The following SUPT5H variants were observed in gnomAD, a reference collection of about 807,000 sequenced individuals.
SUPT5H encodes the protein transcription elongation factor SPT5.
A neutral mutation model predicts 142.5 loss-of-function variants in SUPT5H; 24 were observed. The ratio of observed to expected loss-of-function variants is 0.17; its 90% CI spans 0.12 to 0.24. The LOEUF (loss-of-function observed/expected upper bound fraction) is 0.24. SUPT5H is among the 10% of genes least tolerant of loss of function. The pLI is 1.00. For synonymous variants in SUPT5H, 546 were observed against 553.0 expected (o/e 0.99, Z 0.18); for missense variants, 893 against 1,471.8 (o/e 0.61, Z 6.43).
intron 3 of SUPT5H, among the ~76,000 whole-genome samples, chr19:39,455,487 G>T (rs376635547): frequency 6.6e-6 from 1 of 151,848 alleles, no homozygotes; most frequent in African/African-American, 2.4e-5. Flanking sequence ...GCTTGAACCC[G>T]GGAGGTGGAG....
At chr19:39,451,865 C>A (rs370259271) in intron 2 of SUPT5H, among the ~76,000 whole-genome samples, 20 of 152,282 alleles carry the variant, frequency 1.3e-4, no homozygotes, top group African/African-American at 4.3e-4. Flanking sequence ...GATGTTCAAC[C>A]TGTATTAGGT....
chr19:39,446,964 C>T (rs1354067737), intron 2 of SUPT5H, among the ~76,000 whole-genome samples: 1 of 152,146 alleles, frequency 6.6e-6, no homozygotes, highest in Non-Finnish European at 1.5e-5. Context: ...GCTGAGATCG[C>T]GCCACTGCAC....
Position 39,470,403 on chromosome 19 carries a change from G to A in SUPT5H, c.1557G>A (p.Gln519=), listed in dbSNP as rs2079303216. 6.3e-7 allele frequency: 1 copy of A among 1,596,704 alleles called. No individual in the cohort carries two copies. The highest frequency in any genetic ancestry group is 8.6e-7 in the Non-Finnish European group (1 of 1,169,476). The change falls in exon 18 of 30, where the codon CAG becomes CAA. Residue 519 remains glutamine (Q), a synonymous_variant. Coordinates refer to ENST00000432763, the MANE Select transcript of SUPT5H (RefSeq NM_001111020.3). The surrounding 1 kb of genome is among the most constrained non-coding windows in gnomAD (Gnocchi z 5.8). ...TGAAGGTGCTCCCCCGGGACCTGCAGCTCTGCTCAGAGACAGCATCAGGTG... is the reference window on the plus strand; with the variant it reads ...TGAAGGTGCTCCCCCGGGACCTGCAACTCTGCTCAGAGACAGCATCAGGTG... The part of the protein sequence containing the change: ...HELKVLPRDL[Q]LCSETASGVD...
rs200999931 is a variant in SUPT5H, at chr19:39,466,573, C to T, written c.966+4C>T. Reference sequence around the variant, plus strand: ...CATCAAGGCCCGCATGAGCTTGGTACTCAGGGGAATCTGTGGCCTGGGGGG... The same window carrying T: ...CATCAAGGCCCGCATGAGCTTGGTATTCAGGGGAATCTGTGGCCTGGGGGG... On this transcript the variant is annotated splice_donor_region_variant and intron_variant, in intron 12 of 29. Transcript: ENST00000432763. This position sits in a 1 kb window ranked among gnomAD's most constrained non-coding sequence, Gnocchi z 4.3. 12 of 1,612,792 alleles carry T rather than the reference C, an allele frequency of 7.4e-6. No individual in the cohort carries two copies. In the Admixed American group the frequency reaches 1.3e-4, roughly 18 times the overall value.
At position 39,472,853 on chromosome 19, in the gene SUPT5H, C is replaced by T; in HGVS notation, c.2079C>T (p.Gly693=). 6.2e-7 allele frequency: 1 copy of T among 1,613,700 alleles called. No individual in the cohort carries two copies. The change falls in exon 22 of 30, where the codon GGC becomes GGT. Residue 693 remains glycine (G), a synonymous_variant. Coordinates refer to ENST00000432763, the MANE Select transcript of SUPT5H (RefSeq NM_001111020.3). The surrounding 1 kb of genome is among the most constrained non-coding windows in gnomAD (Gnocchi z 4.2). The part of the protein sequence containing the change: ...GFGSPGGGSG[G]MSRGRGRRDN... ...GTAGCCCAGGTGGCGGCAGTGGTGG[C>T]ATGAGCAGGGGCCGGGGCCGGAGGG...
At chr19:39,449,555 A>T (rs577749429) in intron 2 of SUPT5H, among the ~76,000 whole-genome samples, 1 of 151,574 alleles carries the variant, frequency 6.6e-6, no homozygotes, top group Non-Finnish European at 1.5e-5. Flanking sequence ...TGATGGAGGG[A>T]GCCCAGAGAA....
chr19:39,466,628 C>G lies in SUPT5H; in HGVS notation c.967-47C>G. The G allele has an allele frequency of 1.2e-6, 2 of 1,613,252 alleles. No homozygotes were observed. The highest frequency in any genetic ancestry group is 2.2e-5 in the South Asian group (2 of 91,064). On this transcript the variant is annotated intron_variant, in intron 12 of 29. Transcript: ENST00000432763. The surrounding 1 kb of genome is among the most constrained non-coding windows in gnomAD (Gnocchi z 4.3). ...GAGTGTGCTCGATCCCACTGGTGGCCAAGCCCCCTCCCTCACCCTTCCCAC... is the reference window on the plus strand; with the variant it reads ...GAGTGTGCTCGATCCCACTGGTGGCGAAGCCCCCTCCCTCACCCTTCCCAC...
Position 39,459,181 on chromosome 19 carries a change from C to A in SUPT5H, c.459-3C>A, listed in dbSNP as rs371629234. On this transcript the variant is annotated splice_region_variant and splice_polypyrimidine_tract_variant and intron_variant, in intron 7 of 29. Transcript: ENST00000432763. ...CCCTTCCTGACTGCCCTCCTCCCTT[C>A]AGGGTGTATGGAGGATCTGATGAGC... 1.3e-6 allele frequency: 2 copies of A among 1,598,672 alleles called. No homozygotes were observed. Among genetic ancestry groups the A allele is most frequent in the Non-Finnish European group, 1.7e-6 (2 of 1,172,484 alleles).
At chr19:39,446,066 C>T (rs2078949875) in intron 2 of SUPT5H, 101 bp downstream of exon 2, 1 of 1,225,288 alleles carries the variant, frequency 8.2e-7, no homozygotes, top group Non-Finnish European at 1.2e-6. Flanking sequence ...CGGGCTCTGG[C>T]TTCTGGGAAC....
At chr19:39,453,296 G>T in intron 2 of SUPT5H, 60 bp from the exon 3 acceptor site, 1 of 1,533,274 alleles carries the variant, frequency 6.5e-7, no homozygotes, top group South Asian at 1.3e-5. Context: ...TGAGGAACTT[G>T]GTTTTTGGAT....
chr19:39,455,719 T>C (rs994469096), intron 3 of SUPT5H, among the ~76,000 whole-genome samples: 12 of 151,378 alleles, frequency 7.9e-5, no homozygotes, highest in Admixed American at 6.6e-4. Context: ...ACCTTCTGGT[T>C]TCAAGTGCTT....
In SUPT5H at chr19:39,469,734, T is replaced by G; in HGVS notation, c.1374+336T>G. On this transcript the variant is annotated intron_variant, in intron 16 of 29. Transcript: ENST00000432763. This position sits in a 1 kb window ranked among gnomAD's most constrained non-coding sequence, Gnocchi z 5.1. The stretch of plus-strand genomic sequence containing the variant: ...GTTTGCTTAGAGCGGGGTGTGTGTT[T>G]GTCTGTGTCTGGTGTATGTCTGAGG... The G allele has an allele frequency of 4.1e-6, 2 of 491,624 alleles. No homozygotes were observed. Among genetic ancestry groups the G allele is most frequent in the Non-Finnish European group, 7.5e-6 (2 of 268,296 alleles). The allele number at this position is 491,624 out of a possible 1,614,324, so 30.5% of individuals were successfully genotyped here. A position where few individuals can be genotyped will look rare whatever the true frequency, so the allele number is the denominator to read the frequency against.
At chr19:39,453,050 C>T (rs528671966) in intron 2 of SUPT5H, among the ~76,000 whole-genome samples, 122 of 150,970 alleles carry the variant, frequency 8.1e-4, no homozygotes, top group Non-Finnish European at 1.4e-3. Flanking sequence ...GAAATGAGGC[C>T]CAAGGACCAA....
intron 3 of SUPT5H, among the ~76,000 whole-genome samples, 192 bp downstream of exon 3, chr19:39,453,713 C>T (rs2079049772): frequency 6.6e-6 from 1 of 152,120 alleles, no homozygotes; most frequent in Admixed American, 6.5e-5. Context: ...TACAGGCGCC[C>T]GCCACCACGC....
rs1476057644 is a variant in SUPT5H at position 39,472,897 on chromosome 19, A to G, written c.2123A>G (p.Gln708Arg). 1 of 1,613,690 alleles carries G rather than the reference A, an allele frequency of 6.2e-7. No individual in the cohort carries two copies. The highest frequency in any genetic ancestry group is 1.3e-5 in the African/African-American group (1 of 74,928). The change falls in exon 22 of 30, where the codon CAG (glutamine) becomes CGG (arginine). Residue 708 changes from glutamine (Q) to arginine (R), a missense_variant. By Grantham distance (43) the Gln-to-Arg change is conservative. Around this residue, in one of 6 missense-constraint regions of SUPT5H, gnomAD observed 336 missense variants for 546.5 expected, o/e 0.61. Coordinates refer to ENST00000432763, the MANE Select transcript of SUPT5H (RefSeq NM_001111020.3). The surrounding 1 kb of genome is among the most constrained non-coding windows in gnomAD (Gnocchi z 4.2). Reference protein sequence around the residue: ...RGRRDNELIGQTVRISQGPYK... With the variant: ...RGRRDNELIGRTVRISQGPYK... The stretch of plus-strand genomic sequence containing the variant: ...CGGAGGGACAACGAACTCATCGGCC[A>G]GACCGTGCGCATCTCCCAGGGGCCC...
At position 39,469,067 on chromosome 19, in the gene SUPT5H, C is replaced by A. The variant is rs1222188186; in HGVS notation, c.1144-12C>A. 6 of 1,614,038 alleles carry A rather than the reference C, an allele frequency of 3.7e-6. No individual in the cohort carries two copies. In the South Asian group the frequency reaches 5.5e-5, roughly 15 times the overall value. On this transcript the variant is annotated splice_polypyrimidine_tract_variant and intron_variant, in intron 14 of 29. Transcript: ENST00000432763. This position sits in a 1 kb window ranked among gnomAD's most constrained non-coding sequence, Gnocchi z 5.1. ...CCATTTCCTTCTCTTCCCCTCACCGCTGGGGGCTTAGATCACGGAGGGTGT... is the reference window on the plus strand; with the variant it reads ...CCATTTCCTTCTCTTCCCCTCACCGATGGGGGCTTAGATCACGGAGGGTGT...
At position 39,473,895 on chromosome 19, in the gene SUPT5H, G is replaced by A; in HGVS notation, c.2493-68G>A. On this transcript the variant is annotated intron_variant, in intron 25 of 29. Transcript: ENST00000432763. This position sits in a 1 kb window ranked among gnomAD's most constrained non-coding sequence, Gnocchi z 5.8. The stretch of plus-strand genomic sequence containing the variant: ...TGCTTCAGTTGGGGGTCTGGTGTAG[G>A]GTGCTGTTCTGGAAGCATCCATCGC... 1 of 1,602,996 alleles carries A rather than the reference G, an allele frequency of 6.2e-7. No homozygotes were observed. The highest frequency in any genetic ancestry group is 8.5e-7 in the Non-Finnish European group (1 of 1,170,774).
rs560770504 is a variant in SUPT5H at position 39,475,745 on chromosome 19, C to T, written c.3025-336C>T. On this transcript the variant is annotated intron_variant, in intron 28 of 29. Coordinates refer to ENST00000432763, the MANE Select transcript of SUPT5H (RefSeq NM_001111020.3). Reference sequence around the variant, plus strand: ...ATGAGGTCCAGAGCTCTGGTGGGGCCTGCAGACCATGGGGCGGTCCCTGAG... The same window carrying T: ...ATGAGGTCCAGAGCTCTGGTGGGGCTTGCAGACCATGGGGCGGTCCCTGAG... The T allele has an allele frequency of 3.9e-4, 116 of 295,702 alleles. 1 individual carries two copies. The Middle Eastern group carries it at 4.4e-3, about 11-fold the overall frequency. The allele number at this position is 295,702 out of a possible 1,614,324, so 18.3% of individuals were successfully genotyped here.
chr19:39,470,679 A>G lies in SUPT5H; in HGVS notation c.1677+156A>G, dbSNP rs917106096. Among the ~76,000 whole-genome samples the G allele has an allele frequency of 3.9e-5, 6 of 152,120 alleles. No homozygotes were observed. Among genetic ancestry groups the G allele is most frequent in the African/African-American group, 1.4e-4 (6 of 41,426 alleles). On this transcript the variant is annotated intron_variant, in intron 18 of 29. Coordinates refer to ENST00000432763, the MANE Select transcript of SUPT5H (RefSeq NM_001111020.3). This position sits in a 1 kb window ranked among gnomAD's most constrained non-coding sequence, Gnocchi z 5.8. ...GAATGGCTGATAGTGGGCACATGGCAAGTCATTGATCCCTCCCCTTGCCTG... is the reference window on the plus strand; with the variant it reads ...GAATGGCTGATAGTGGGCACATGGCGAGTCATTGATCCCTCCCCTTGCCTG...
Sources: allele counts gnomAD v4.1 joint callset (sites outside exome capture counted in the v4.1 genomes callset), GRCh38; gene constraint gnomAD v4.1.1; regional missense constraint gnomAD v4.1.1; non-coding constraint Gnocchi (gnomAD v3.1); transcripts MANE v1.5; gene names NCBI Gene and HGNC (gene_info 2026-07-23, HGNC 2026-07-21).